Variants in NELL1 observed in about 807,000 individuals in gnomAD.
NELL1 encodes neural EGFL like 1.
A neutral mutation model predicts 107.4 loss-of-function variants in NELL1; 76 were observed. The observed-to-expected ratio is 0.71, with a 90% confidence interval of 0.59 to 0.86. The LOEUF (loss-of-function observed/expected upper bound fraction) is 0.86, where lower values mean the gene tolerates loss of function less well. NELL1 is among the 40% of genes least tolerant of loss of function. The pLI is 0.00. For synonymous variants in NELL1, 353 were observed against 341.2 expected (o/e 1.03, Z -0.38); for missense variants, 1,024 against 1,005.5 (o/e 1.02, Z -0.25).
intron 4 of NELL1, among the ~76,000 whole-genome samples, chr11:20,872,171 ATT>A (rs549212186): frequency 1.1e-3 from 115 of 103,916 alleles, no homozygotes; most frequent in East Asian, 1.8e-3. Context: ...TCTATCAGAG[ATT>A]TTTTTTTTTT....
At chr11:20,883,462 A>G (rs1849447379) in intron 4 of NELL1, among the ~76,000 whole-genome samples, 1 of 152,212 alleles carries the variant, frequency 6.6e-6, no homozygotes, top group Non-Finnish European at 1.5e-5. Flanking sequence ...CATAAAATAA[A>G]CTTTTGAATC....
chr11:21,344,634 TAGAA>T (rs1367136631), intron 14 of NELL1, among the ~76,000 whole-genome samples: 1 of 152,286 alleles, frequency 6.6e-6, no homozygotes, highest in Non-Finnish European at 1.5e-5. Context: ...TATAACCTAA[TAGAA>T]AGAGAATTGG....
chr11:21,124,330 A>G (rs1162195476), intron 13 of NELL1, among the ~76,000 whole-genome samples: 1 of 152,192 alleles, frequency 6.6e-6, no homozygotes, highest in Non-Finnish European at 1.5e-5. Flanking sequence ...AATGTCTTTC[A>G]TCTTTTATGA....
At chr11:21,217,794 G>T (rs762549645) in intron 13 of NELL1, among the ~76,000 whole-genome samples, 2 of 152,108 alleles carry the variant, frequency 1.3e-5, no homozygotes, top group Non-Finnish European at 2.9e-5. Context: ...CCAAACGTGG[G>T]GCATTTGTAG....
intron 14 of NELL1, among the ~76,000 whole-genome samples, chr11:21,293,277 A>T (rs1273736939): frequency 2.0e-5 from 3 of 152,224 alleles, no homozygotes; most frequent in African/African-American, 7.2e-5. Flanking sequence ...TGGGTGAAGG[A>T]TATCAACAGA....
chr11:21,112,826 A>C (rs1192671795), intron 12 of NELL1, among the ~76,000 whole-genome samples: 1 of 151,994 alleles, frequency 6.6e-6, no homozygotes, highest in East Asian at 1.9e-4. Flanking sequence ...TTCTTTCTCT[A>C]ACCATCACAC....
chr11:21,383,442 A>G (rs1270185436), intron 15 of NELL1, among the ~76,000 whole-genome samples: 1 of 151,868 alleles, frequency 6.6e-6, no homozygotes, highest in East Asian at 2.0e-4. Flanking sequence ...GGACCTCCTC[A>G]GTGCTTAAAA....
chr11:21,536,348 G>T (rs1026999895), intron 16 of NELL1, among the ~76,000 whole-genome samples: 5 of 152,084 alleles, frequency 3.3e-5, no homozygotes, highest in African/African-American at 1.2e-4. Context: ...TTTTATAACT[G>T]TTTGGACCTG....
intron 5 of NELL1, among the ~76,000 whole-genome samples, chr11:20,911,530 C>A (rs1850131190): frequency 6.6e-6 from 1 of 152,176 alleles, no homozygotes; most frequent in Non-Finnish European, 1.5e-5. Flanking sequence ...CCTGTGTTTC[C>A]ACAGTTACCA....
intron 2 of NELL1, among the ~76,000 whole-genome samples, chr11:20,743,229 C>A (rs1405243934): frequency 6.6e-6 from 1 of 152,026 alleles, no homozygotes; most frequent in Non-Finnish European, 1.5e-5. Context: ...TGGCGCACAC[C>A]TGTAATCCTA....
At chr11:21,027,426 T>C (rs1194492897) in intron 12 of NELL1, among the ~76,000 whole-genome samples, 1 of 152,166 alleles carries the variant, frequency 6.6e-6, no homozygotes. Flanking sequence ...CACTAGTGAT[T>C]ATTAACAAAG....
intron 13 of NELL1, among the ~76,000 whole-genome samples, chr11:21,170,971 A>C (rs909853235): frequency 5.3e-5 from 8 of 151,730 alleles, no homozygotes; most frequent in African/African-American, 1.9e-4. Context: ...AAACATGGCA[A>C]GCTTTGGGCA....
At chr11:21,267,438 T>G (rs1483575188) in intron 14 of NELL1, among the ~76,000 whole-genome samples, 1 of 152,126 alleles carries the variant, frequency 6.6e-6, no homozygotes, top group Non-Finnish European at 1.5e-5. Flanking sequence ...TTTTTTTCTC[T>G]CCAAGAAATG....
intron 15 of NELL1, among the ~76,000 whole-genome samples, chr11:21,388,079 G>T (rs1851787380): frequency 6.8e-6 from 1 of 147,428 alleles, no homozygotes; most frequent in Admixed American, 6.8e-5. Context: ...AAAATTCTAT[G>T]TTTTTTTTTT....
chr11:20,761,304 T>C (rs1437228192), intron 2 of NELL1, among the ~76,000 whole-genome samples: 1 of 152,154 alleles, frequency 6.6e-6, no homozygotes, highest in African/African-American at 2.4e-5. Context: ...TTAAGACTTG[T>C]TCTAGTGGAT....
At chr11:20,686,932 G>GT (rs368676309) in intron 2 of NELL1, among the ~76,000 whole-genome samples, 31,610 of 139,184 alleles carry the variant, frequency 0.23, 3,536 homozygotes, top group African/African-American at 0.28. Flanking sequence ...AGGGGCTTCA[G>GT]TTTTTTTTTT....
intron 12 of NELL1, among the ~76,000 whole-genome samples, chr11:21,057,559 G>A (rs1474931041): frequency 1.3e-5 from 2 of 151,732 alleles, no homozygotes; most frequent in East Asian, 1.9e-4. Context: ...TTAACAACAA[G>A]AAACTGGTCA....
chr11:21,112,963 G>GA (rs542208462), intron 12 of NELL1, among the ~76,000 whole-genome samples: 1 of 152,034 alleles, frequency 6.6e-6, no homozygotes, highest in South Asian at 2.1e-4. Context: ...GAAAGCAGGT[G>GA]ATGCTCTGAA....
chr11:21,388,324 C>T (rs2133778771), intron 15 of NELL1, among the ~76,000 whole-genome samples: 1 of 151,852 alleles, frequency 6.6e-6, no homozygotes, highest in South Asian at 2.1e-4. Context: ...ACTTCTCAAT[C>T]TGTATCTCCC....
Sources: allele counts gnomAD v4.1 joint callset (sites outside exome capture counted in the v4.1 genomes callset), GRCh38; gene constraint gnomAD v4.1.1; transcripts MANE v1.5; gene names NCBI Gene and HGNC (gene_info 2026-07-23, HGNC 2026-07-21).